The following PTCHD4 variants were observed in gnomAD, a reference collection of about 807,000 sequenced individuals.
PTCHD4 encodes the protein patched domain-containing protein 4.
Under a neutral mutation model 58.1 loss-of-function variants are expected in PTCHD4, and 33 were observed. The ratio of observed to expected loss-of-function variants is 0.57; its 90% CI spans 0.43 to 0.76. The LOEUF (loss-of-function observed/expected upper bound fraction) is 0.76. PTCHD4 is among the 30% of genes least tolerant of loss of function. PTCHD4 has a pLI of 0.00. For missense variants in PTCHD4, 1,058 were observed against 1,027.1 expected (o/e 1.03, Z -0.41); for synonymous variants, 478 against 409.6 (o/e 1.17, Z -2.02).
intron 4 of PTCHD4, among the ~76,000 whole-genome samples, chr6:47,881,146 C>T (rs1764011033): frequency 6.6e-6 from 1 of 152,104 alleles, no homozygotes; most frequent in African/African-American, 2.4e-5. Flanking sequence ...TTATGAAAAC[C>T]TGGAAAAAGG....
intron 3 of PTCHD4, among the ~76,000 whole-genome samples, chr6:48,033,976 G>T (rs1425101588): frequency 6.6e-6 from 1 of 152,096 alleles, no homozygotes; most frequent in African/African-American, 2.4e-5. Context: ...GATGCTGTTT[G>T]CTTCTCATGA....
At chr6:47,973,919 T>C (rs548411910) in intron 4 of PTCHD4, among the ~76,000 whole-genome samples, 219 of 152,306 alleles carry the variant, frequency 1.4e-3, no homozygotes, top group African/African-American at 5.1e-3. Flanking sequence ...AAAATCCAGT[T>C]ATCAAGTAGT....
intron 3 of PTCHD4, among the ~76,000 whole-genome samples, chr6:48,028,341 A>T (rs1470618832): frequency 6.6e-6 from 1 of 151,978 alleles, no homozygotes; most frequent in Non-Finnish European, 1.5e-5. Flanking sequence ...GCTTTAAAGT[A>T]GAATGACTGG....
At chr6:47,916,447 A>G (rs1288585531) in intron 4 of PTCHD4, among the ~76,000 whole-genome samples, 10 of 152,194 alleles carry the variant, frequency 6.6e-5, no homozygotes, top group African/African-American at 1.2e-4. Flanking sequence ...AGCAGGATGG[A>G]CCATTTTGAG....
At chr6:48,096,127 G>A (rs908068612) in intron 1 of PTCHD4, among the ~76,000 whole-genome samples, 1 of 152,138 alleles carries the variant, frequency 6.6e-6, no homozygotes, top group Non-Finnish European at 1.5e-5. Context: ...ATAATTTTAT[G>A]AGAAGAATAC....
intron 1 of PTCHD4, among the ~76,000 whole-genome samples, chr6:48,080,399 A>G (rs114475834): frequency 6.6e-6 from 1 of 152,224 alleles, no homozygotes; most frequent in Non-Finnish European, 1.5e-5. Context: ...ATCAATAGGC[A>G]TTTATAGAAA....
intron 1 of PTCHD4, among the ~76,000 whole-genome samples, chr6:48,079,764 T>C (rs1351073227): frequency 6.6e-6 from 1 of 151,812 alleles, no homozygotes; most frequent in African/African-American, 2.4e-5. Context: ...ATACCTGGGG[T>C]GGAGTGCTTC....
At chr6:47,921,956 A>G (rs1430283731) in intron 4 of PTCHD4, among the ~76,000 whole-genome samples, 33 of 147,052 alleles carry the variant, frequency 2.2e-4, no homozygotes, top group African/African-American at 7.6e-4. Flanking sequence ...AAAAAAAAAA[A>G]AAAAGAAAAG....
At position 47,865,912 on chromosome 6, in the gene PTCHD4, G is replaced by A. The variant is rs1282601765; in HGVS notation, c.*12391C>T. The stretch of plus-strand genomic sequence containing the variant: ...CAAATTCAACTCCTGTACTGGAAAT[G>A]TACCCTCAAGCTAAATTGAGTTCGT... On this transcript the variant is annotated 3_prime_UTR_variant, in exon 5 of 5. Coordinates refer to ENST00000339488, the MANE Select transcript of PTCHD4 (RefSeq NM_001384253.1). 6.6e-6 allele frequency among the ~76,000 whole-genome samples: 1 copy of A among 151,860 alleles called. No homozygotes were observed. The highest frequency in any genetic ancestry group is 1.5e-5 in the Non-Finnish European group (1 of 67,884).
Position 47,862,534 on chromosome 6 carries a change from T to C in PTCHD4, c.*15769A>G, listed in dbSNP as rs1419125400. ...GGCCATTTGTCAATTTTTTTCTTCA[T>C]ATTTTACTATTTATGGTCTAGTTTA... On this transcript the variant is annotated 3_prime_UTR_variant, in exon 5 of 5. Transcript: ENST00000339488. Among the ~76,000 whole-genome samples, 1 of 151,822 alleles carries C rather than the reference T, an allele frequency of 6.6e-6. No individual in the cohort carries two copies. Among genetic ancestry groups the C allele is most frequent in the Admixed American group, 6.6e-5 (1 of 15,198 alleles).
chr6:47,907,223 A>G (rs917170428), intron 4 of PTCHD4, among the ~76,000 whole-genome samples: 1 of 152,200 alleles, frequency 6.6e-6, no homozygotes, highest in African/African-American at 2.4e-5. Flanking sequence ...TCATGAGACC[A>G]GTAAAATTTC....
intron 4 of PTCHD4, among the ~76,000 whole-genome samples, chr6:47,887,287 T>C (rs530601408): frequency 2.7e-4 from 40 of 150,354 alleles, no homozygotes; most frequent in Non-Finnish European, 2.4e-4. Context: ...CTTATAAAAT[T>C]TATTGAGGAA....
chr6:48,104,254 C>G (rs1219826982), intron 1 of PTCHD4, among the ~76,000 whole-genome samples: 1 of 152,164 alleles, frequency 6.6e-6, no homozygotes, highest in Non-Finnish European at 1.5e-5. Flanking sequence ...GCTGATCTCT[C>G]GGCAGAAACT....
rs905393839 is a variant in PTCHD4, at chr6:47,863,395, T to C, written c.*14908A>G. 2.0e-5 allele frequency among the ~76,000 whole-genome samples: 3 copies of C among 151,814 alleles called. No homozygotes were observed. The highest frequency in any genetic ancestry group is 4.8e-5 in the African/African-American group (2 of 41,392). On this transcript the variant is annotated 3_prime_UTR_variant, in exon 5 of 5. Transcript: ENST00000339488. ...ACACTTGCATATCCCACATGAAAAA[T>C]AGTACTTTACTATTATTTGGCCTAA...
chr6:47,936,909 T>C (rs1318731091), intron 4 of PTCHD4, among the ~76,000 whole-genome samples: 1 of 152,132 alleles, frequency 6.6e-6, no homozygotes, highest in African/African-American at 2.4e-5. Flanking sequence ...GTGGTCAAGC[T>C]AGGTTAGAAA....
chr6:48,104,766 G>T (rs1562051383), intron 1 of PTCHD4, among the ~76,000 whole-genome samples: 1 of 151,986 alleles, frequency 6.6e-6, no homozygotes, highest in Non-Finnish European at 1.5e-5. Context: ...GATCTACCAA[G>T]CAAACGGAAA....
rs1167893825 is a variant in PTCHD4, at chr6:47,948,477, AG to A, written c.898+60156del. Among the ~76,000 whole-genome samples, 10 of 152,182 alleles carry A rather than the reference AG, an allele frequency of 6.6e-5. No homozygotes were observed. The South Asian group carries it at 1.2e-3, about 19-fold the overall frequency. On this transcript the variant is annotated intron_variant, in intron 4 of 4. Coordinates refer to ENST00000339488, the MANE Select transcript of PTCHD4 (RefSeq NM_001384253.1). ...TGAACATCAGAAGTTCGGAATTGTGAGGGCTACCACAATTTGTCCACCAAAT... is the reference window on the plus strand; with the variant it reads ...TGAACATCAGAAGTTCGGAATTGTGAGGCTACCACAATTTGTCCACCAAAT...
chr6:47,887,519 A>C (rs1050900330), intron 4 of PTCHD4, among the ~76,000 whole-genome samples: 1 of 152,178 alleles, frequency 6.6e-6, no homozygotes, highest in African/African-American at 2.4e-5. Context: ...AGGTGGAAAT[A>C]GATGTCAATT....
At chr6:48,013,330 A>G (rs1040567661) in intron 3 of PTCHD4, among the ~76,000 whole-genome samples, 1 of 151,238 alleles carries the variant, frequency 6.6e-6, no homozygotes, top group Admixed American at 6.6e-5. Flanking sequence ...ATTTATCTCA[A>G]TGTTACTAAC....
Sources: gnomAD v4.1 joint callset for allele counts (sites outside exome capture counted in the v4.1 genomes callset) on GRCh38, gnomAD v4.1.1 for gene constraint, MANE v1.5 for transcripts, NCBI Gene and HGNC (gene_info 2026-07-23, HGNC 2026-07-21) for gene names.